The following DENND1A variants were observed in gnomAD, a reference collection of about 807,000 sequenced individuals.
The protein encoded by DENND1A is DENN domain-containing protein 1A.
Under a neutral mutation model 113.7 loss-of-function variants are expected in DENND1A, and 51 were observed. The observed-to-expected ratio is 0.45, with a 90% confidence interval of 0.36 to 0.57. The LOEUF is 0.57. Ranked by LOEUF, DENND1A falls within the 20% of genes least tolerant of loss-of-function variation. The pLI is 0.00. For missense variants in DENND1A, 1,258 were observed against 1,395.9 expected (o/e 0.90, Z 1.57); for synonymous variants, 565 against 570.8 (o/e 0.99, Z 0.14).
chr9:123,624,726 T>C (rs1336147934), intron 10 of DENND1A, among the ~76,000 whole-genome samples: 1 of 152,200 alleles, frequency 6.6e-6, no homozygotes, highest in Non-Finnish European at 1.5e-5. Flanking sequence ...AAGTCTTCTC[T>C]TCTAAGTTAG....
intron 13 of DENND1A, among the ~76,000 whole-genome samples, chr9:123,470,364 G>GTGCCAGGGGTTGCCTCACTCA (rs149462858): frequency 5.3e-5 from 8 of 151,300 alleles, no homozygotes; most frequent in Middle Eastern, 3.4e-3. Flanking sequence ...CACGTGGCCA[G>GTGCCAGGGGTTGCCTCACTCA]CGCCAGGGGT....
intron 13 of DENND1A, among the ~76,000 whole-genome samples, chr9:123,555,414 C>A (rs541024668): frequency 1.3e-5 from 2 of 152,224 alleles, no homozygotes; most frequent in Admixed American, 1.3e-4. Context: ...AGCCCCATCT[C>A]CCCACCCAAT....
intron 3 of DENND1A, among the ~76,000 whole-genome samples, chr9:123,770,571 C>A (rs1230273285): frequency 6.6e-6 from 1 of 152,166 alleles, no homozygotes; most frequent in Admixed American, 6.5e-5. Context: ...GGACAGCCCA[C>A]GGTTGGTGCT....
At chr9:123,848,862 C>T (rs956570899) in intron 2 of DENND1A, among the ~76,000 whole-genome samples, 1 of 152,170 alleles carries the variant, frequency 6.6e-6, no homozygotes, top group African/African-American at 2.4e-5. Flanking sequence ...AAACCAGCCA[C>T]AACATTCCCT....
intron 9 of DENND1A, among the ~76,000 whole-genome samples, chr9:123,645,885 C>T (rs553422640): frequency 4.6e-5 from 7 of 152,206 alleles, no homozygotes; most frequent in Middle Eastern, 3.2e-3. Flanking sequence ...TTCACATTTT[C>T]CACATTAAGA....
intron 12 of DENND1A, among the ~76,000 whole-genome samples, chr9:123,571,211 T>C (rs764996725): frequency 3.9e-5 from 6 of 152,314 alleles, no homozygotes; most frequent in Middle Eastern, 6.8e-3. Context: ...ATAAATCATC[T>C]AAAAATCAGC....
chr9:123,539,638 C>G (rs547204476), intron 13 of DENND1A, among the ~76,000 whole-genome samples: 1 of 152,022 alleles, frequency 6.6e-6, no homozygotes, highest in Non-Finnish European at 1.5e-5. Context: ...AATTCATGCA[C>G]TTTGGGAGGC....
intron 1 of DENND1A, among the ~76,000 whole-genome samples, chr9:123,903,835 A>G (rs571820714): frequency 1.3e-5 from 2 of 152,260 alleles, no homozygotes; most frequent in Non-Finnish European, 2.9e-5. Flanking sequence ...AGGTAAACAA[A>G]GCAGCCAGGA....
intron 3 of DENND1A, among the ~76,000 whole-genome samples, chr9:123,771,605 A>G (rs1312534492): frequency 6.6e-6 from 1 of 152,224 alleles, no homozygotes; most frequent in Non-Finnish European, 1.5e-5. Flanking sequence ...AGATTTTTGA[A>G]AGAAAGGACC....
chr9:123,511,789 G>A (rs1463099883), intron 13 of DENND1A, among the ~76,000 whole-genome samples: 2 of 152,212 alleles, frequency 1.3e-5, no homozygotes, highest in Admixed American at 6.5e-5. Context: ...ATGTTGCAGC[G>A]CCAGGCGGGA....
intron 13 of DENND1A, among the ~76,000 whole-genome samples, chr9:123,517,291 A>C (rs952017012): frequency 1.3e-5 from 2 of 150,044 alleles, no homozygotes; most frequent in African/African-American, 4.9e-5. Flanking sequence ...AACCCCCCCC[A>C]AAAAACCCAT....
chr9:123,861,386 T>A (rs1293160095), intron 2 of DENND1A, among the ~76,000 whole-genome samples: 3 of 152,230 alleles, frequency 2.0e-5, no homozygotes, highest in Admixed American at 6.5e-5. Context: ...GGAACTTTCA[T>A]GCTTCTTATT....
At chr9:123,917,001 A>G (rs1855267385) in intron 1 of DENND1A, among the ~76,000 whole-genome samples, 1 of 151,904 alleles carries the variant, frequency 6.6e-6, no homozygotes, top group Non-Finnish European at 1.5e-5. Flanking sequence ...CTGGCCAAAA[A>G]AGTGAAACCC....
At chr9:123,897,837 G>A (rs1212556977) in intron 1 of DENND1A, among the ~76,000 whole-genome samples, 1 of 151,482 alleles carries the variant, frequency 6.6e-6, no homozygotes. Context: ...ATGTGGCAGT[G>A]TGCACAGCTA....
chr9:123,443,912 A>G (rs1158046001), intron 18 of DENND1A, among the ~76,000 whole-genome samples: 1 of 152,112 alleles, frequency 6.6e-6, no homozygotes, highest in East Asian at 1.9e-4. Context: ...AGCCGTGATC[A>G]GGCCACTGCA....
chr9:123,926,493 G>A (rs1396272983), intron 1 of DENND1A, among the ~76,000 whole-genome samples: 1 of 151,234 alleles, frequency 6.6e-6, no homozygotes, highest in African/African-American at 2.4e-5. Context: ...CTTGAACCCG[G>A]GGGTTGGAGG....
intron 10 of DENND1A, among the ~76,000 whole-genome samples, chr9:123,614,644 A>C (rs2060563596): frequency 6.6e-6 from 1 of 152,100 alleles, no homozygotes; most frequent in Admixed American, 6.5e-5. Flanking sequence ...GAGAGGAAAC[A>C]AGGGAGAGGC....
At chr9:123,448,973 G>A (rs974503399) in intron 18 of DENND1A, among the ~76,000 whole-genome samples, 2 of 152,194 alleles carry the variant, frequency 1.3e-5, no homozygotes, top group Non-Finnish European at 2.9e-5. Context: ...AATGAAGTAG[G>A]TGATCCCAAA....
chr9:123,786,433 G>C (rs1832187320), intron 3 of DENND1A, among the ~76,000 whole-genome samples: 1 of 152,092 alleles, frequency 6.6e-6, no homozygotes, highest in Non-Finnish European at 1.5e-5. Context: ...AAGTGTTGTG[G>C]CCATGCCATT....
Sources: gnomAD v4.1 joint callset for allele counts (sites outside exome capture counted in the v4.1 genomes callset) on GRCh38, gnomAD v4.1.1 for gene constraint, MANE v1.5 for transcripts, NCBI Gene and HGNC (gene_info 2026-07-23, HGNC 2026-07-21) for gene names.